Variants in KDM4C observed in about 807,000 individuals in gnomAD.
KDM4C encodes lysine demethylase 4C, also known as lysine-specific demethylase 4C.
Under a neutral mutation model 129.3 loss-of-function variants are expected in KDM4C, and 81 were observed. That is an observed-to-expected ratio of 0.63 (90% CI 0.52 to 0.75). The LOEUF is 0.75. Ranked by LOEUF, KDM4C falls within the 30% of genes least tolerant of loss-of-function variation. The probability of loss-of-function intolerance (pLI) is 0.00; values close to 1 mark genes in which losing one functional copy is unlikely to be tolerated. For synonymous variants in KDM4C, 573 were observed against 456.1 expected (o/e 1.26, Z -3.26); for missense variants, 1,457 against 1,304.0 (o/e 1.12, Z -1.81).
rs750275547 is a variant in KDM4C, at chr9:6,880,026, C to T, written c.644C>T (p.Pro215Leu). ...GEPKSWYAIPPEHGKRLERLA... is the reference protein window; with the variant it reads ...GEPKSWYAIPLEHGKRLERLA... The stretch of plus-strand genomic sequence containing the variant: ...TAAAATTTTAGGTATGCTATACCTC[C>T]GGAGCATGGAAAACGACTTGAAAGA... Residue 215 changes from proline (P) to leucine (L), a missense_variant, in exon 6 of 22, where the codon CCG becomes CTG. Physicochemically the swap from Pro to Leu is moderately conservative, Grantham distance 98. Transcript: ENST00000381309. 3.8e-6 allele frequency: 6 copies of T among 1,596,926 alleles called. No individual in the cohort carries two copies. Among genetic ancestry groups the T allele is most frequent in the East Asian group, 2.2e-5 (1 of 44,620 alleles).
intron 15 of KDM4C, among the ~76,000 whole-genome samples, chr9:7,036,108 A>C (rs1827602857): frequency 6.6e-6 from 1 of 152,174 alleles, no homozygotes; most frequent in Non-Finnish European, 1.5e-5. Context: ...TAATTCTTCC[A>C]ATCTATGAGC....
At position 7,075,776 on chromosome 9, in the gene KDM4C, A is replaced by G. The variant is rs956924524; in HGVS notation, c.2424+26576A>G. On this transcript the variant is annotated intron_variant, in intron 17 of 21. Transcript: ENST00000381309. ...CTGGTGAAGAAAAGAGGGAGACTCC[A>G]TCTCCTGGGCATACTCTTTAATCAT... Among the ~76,000 whole-genome samples the G allele has an allele frequency of 4.6e-5, 7 of 151,672 alleles. No homozygotes were observed. In the East Asian group the frequency reaches 1.2e-3, roughly 25 times the overall value.
chr9:6,913,588 AC>A (rs988535477), intron 8 of KDM4C, among the ~76,000 whole-genome samples: 12 of 152,266 alleles, frequency 7.9e-5, no homozygotes, highest in African/African-American at 2.6e-4. Flanking sequence ...AGTGGACTTC[AC>A]TTGTCCTCCT....
chr9:7,136,991 T>C (rs1329823893), intron 19 of KDM4C, among the ~76,000 whole-genome samples: 3 of 152,268 alleles, frequency 2.0e-5, no homozygotes, highest in Non-Finnish European at 4.4e-5. Flanking sequence ...GTGAGATTTA[T>C]TTATTTTTTA....
chr9:6,934,788 A>G (rs1056300983), intron 8 of KDM4C, among the ~76,000 whole-genome samples: 1 of 152,094 alleles, frequency 6.6e-6, no homozygotes, highest in African/African-American at 2.4e-5. Context: ...GAGAACTTTA[A>G]TTGGATATGA....
intron 15 of KDM4C, among the ~76,000 whole-genome samples, chr9:7,036,186 A>T (rs1346068250): frequency 2.0e-5 from 3 of 151,966 alleles, no homozygotes; most frequent in Non-Finnish European, 4.4e-5. Context: ...AGTTTCTCTT[A>T]TAGTGGTCTT....
At chr9:6,910,376 A>T (rs7043713) in intron 8 of KDM4C, among the ~76,000 whole-genome samples, 70,638 of 152,022 alleles carry the variant, frequency 0.46, 16,715 homozygotes, top group Middle Eastern at 0.62. Context: ...TATAGAATAG[A>T]TAATGTTATT....
intron 8 of KDM4C, among the ~76,000 whole-genome samples, chr9:6,943,740 A>G (rs916695243): frequency 6.6e-6 from 1 of 152,196 alleles, no homozygotes; most frequent in Non-Finnish European, 1.5e-5. Context: ...GTCTGCTGCT[A>G]TAGAATACTT....
At chr9:7,091,282 G>T (rs1281561414) in intron 17 of KDM4C, among the ~76,000 whole-genome samples, 1 of 151,014 alleles carries the variant, frequency 6.6e-6, no homozygotes, top group Non-Finnish European at 1.5e-5. Context: ...TAAAAACTGT[G>T]GAAGATTTTG....
At chr9:6,995,370 A>G (rs1819506655) in intron 12 of KDM4C, among the ~76,000 whole-genome samples, 1 of 151,404 alleles carries the variant, frequency 6.6e-6, no homozygotes, top group Non-Finnish European at 1.5e-5. Context: ...CACACACACA[A>G]TGTGGTATTT....
intron 19 of KDM4C, among the ~76,000 whole-genome samples, chr9:7,158,021 C>T (rs140603035): frequency 6.6e-6 from 1 of 152,236 alleles, no homozygotes; most frequent in Non-Finnish European, 1.5e-5. Flanking sequence ...TAATTATTGC[C>T]CCAATTTCAG....
chr9:7,154,765 A>G (rs998745807), intron 19 of KDM4C, among the ~76,000 whole-genome samples: 7 of 152,324 alleles, frequency 4.6e-5, no homozygotes, highest in Middle Eastern at 3.4e-3. Context: ...TAATTTTCAC[A>G]TCATCTATTT....
chr9:6,757,929 G>A (rs57623331), upstream of KDM4C: 2 of 985,298 alleles, frequency 2.0e-6, no homozygotes, highest in Non-Finnish European at 1.2e-6. Context: ...CACCAAGTGC[G>A]GGCCCCAGCG....
intron 1 of KDM4C, among the ~76,000 whole-genome samples, chr9:6,725,295 C>T (rs1817085351): frequency 6.7e-6 from 1 of 150,030 alleles, no homozygotes; most frequent in Non-Finnish European, 1.5e-5. Context: ...TGAGGGTGAA[C>T]ACATTGGGCT....
At chr9:7,149,365 G>T (rs62532923) in intron 19 of KDM4C, among the ~76,000 whole-genome samples, 2 of 152,224 alleles carry the variant, frequency 1.3e-5, no homozygotes, top group African/African-American at 4.8e-5. Context: ...AGGCACTTCC[G>T]AGCCTGCCGG....
chr9:7,092,207 C>T (rs1201552690), intron 17 of KDM4C, among the ~76,000 whole-genome samples: 1 of 152,062 alleles, frequency 6.6e-6, no homozygotes, highest in African/African-American at 2.4e-5. Context: ...CTTCTGTATC[C>T]ATTATTCCAT....
chr9:6,750,033 G>T (rs1025040248), intron 1 of KDM4C, among the ~76,000 whole-genome samples: 19 of 148,952 alleles, frequency 1.3e-4, no homozygotes, highest in African/African-American at 4.0e-4. Flanking sequence ...AAAGCCAGAG[G>T]AAAATGTACT....
In KDM4C at chr9:7,046,859, C is replaced by A. The variant is rs753519218; in HGVS notation, c.2260-3C>A. The A allele has an allele frequency of 2.5e-6, 4 of 1,604,554 alleles. No homozygotes were observed. Among genetic ancestry groups the A allele is most frequent in the Non-Finnish European group, 3.4e-6 (4 of 1,171,804 alleles). The stretch of plus-strand genomic sequence containing the variant: ...ATCATGTGGTATTTTCTTTTCCCCC[C>A]AGGAATGCTGTCTCTGCAATTTGAG... On this transcript the variant is annotated splice_polypyrimidine_tract_variant and splice_region_variant and intron_variant, in intron 15 of 21. Transcript: ENST00000381309.
At chr9:6,858,353 C>CACCACG (rs1025554610) in intron 5 of KDM4C, among the ~76,000 whole-genome samples, 1 of 152,016 alleles carries the variant, frequency 6.6e-6, no homozygotes, top group Admixed American at 6.6e-5. Context: ...CCACCACCAC[C>CACCACG]ACCACGACCA....
Sources: gnomAD v4.1 joint callset for allele counts (sites outside exome capture counted in the v4.1 genomes callset) on GRCh38, gnomAD v4.1.1 for gene constraint, MANE v1.5 for transcripts, NCBI Gene and HGNC (gene_info 2026-07-23, HGNC 2026-07-21) for gene names.